SRPK2: variants seen among roughly 807,000 people sequenced by gnomAD.
The protein encoded by SRPK2 is SRSF protein kinase 2.
In SRPK2, 21 loss-of-function variants were observed where a neutral mutation model predicts 90.8. That is an observed-to-expected ratio of 0.23 (90% confidence interval 0.16 to 0.33). SRPK2 has a LOEUF of 0.33. Ranked by LOEUF, SRPK2 falls within the 10% of genes least tolerant of loss-of-function variation. The pLI is 1.00. For synonymous variants in SRPK2, 288 were observed against 311.1 expected (o/e 0.93, Z 0.78); for missense variants, 620 against 869.0 (o/e 0.71, Z 3.60).
chr7:105,328,655 G>A (rs773405587), intron 2 of SRPK2, among the ~76,000 whole-genome samples: 4 of 151,498 alleles, frequency 2.6e-5, no homozygotes, highest in Non-Finnish European at 5.9e-5. Flanking sequence ...ACAAGGTCAG[G>A]AGATCGAGAC....
At chr7:105,244,190 T>C (rs1237427663) in intron 2 of SRPK2, among the ~76,000 whole-genome samples, 1 of 152,158 alleles carries the variant, frequency 6.6e-6, no homozygotes, top group African/African-American at 2.4e-5. Flanking sequence ...CACAGAGAAG[T>C]TGGGGTAAAA....
At chr7:105,299,768 C>G (rs923737163) in intron 2 of SRPK2, among the ~76,000 whole-genome samples, 1 of 152,064 alleles carries the variant, frequency 6.6e-6, no homozygotes, top group African/African-American at 2.4e-5. Context: ...GTGGAGGGTG[C>G]CTGTAATCTC....
intron 2 of SRPK2, among the ~76,000 whole-genome samples, chr7:105,370,324 T>C (rs1463732652): frequency 1.3e-5 from 2 of 152,062 alleles, no homozygotes; most frequent in Non-Finnish European, 2.9e-5. Flanking sequence ...ACACACACAG[T>C]CCATCCAGAG....
chr7:105,332,711 G>A (rs1388064255), intron 2 of SRPK2: 2 of 151,640 alleles, frequency 1.3e-5, no homozygotes, highest in Non-Finnish European at 2.9e-5. Context: ...GTTGCAGTGA[G>A]CACATATCAT....
Position 105,397,900 on chromosome 7 carries a change from G to A in SRPK2, n.153+1256C>T, listed in dbSNP as rs192468401. On this transcript the variant is annotated intron_variant and non_coding_transcript_variant, in intron 1 of 3. Coordinates refer to the SRPK2 transcript ENST00000462282. Reference sequence around the variant, plus strand: ...TGACCTCAAGTGACCCACTCACCTCGGCTTCCCGAAGTGCTGGGATTACAG... The same window carrying A: ...TGACCTCAAGTGACCCACTCACCTCAGCTTCCCGAAGTGCTGGGATTACAG... Among the ~76,000 whole-genome samples, 741 of 151,998 alleles carry A rather than the reference G, an allele frequency of 4.9e-3. 8 individuals carry two copies. The highest frequency in any genetic ancestry group is 0.017 in the African/African-American group (706 of 41,456).
At chr7:105,208,986 TAAAAG>T (rs1796537479) in intron 2 of SRPK2, among the ~76,000 whole-genome samples, 1 of 151,334 alleles carries the variant, frequency 6.6e-6, no homozygotes. Context: ...TTTAAAAAAA[TAAAAG>T]AAAACCCCAA....
Position 105,343,695 on chromosome 7 carries a change from A to T in SRPK2, c.71+44953T>A, listed in dbSNP as rs142692610. Among the ~76,000 whole-genome samples, 64 of 152,368 alleles carry T rather than the reference A, an allele frequency of 4.2e-4. No homozygotes were observed. The East Asian group carries it at 0.012, about 29-fold the overall frequency. ...TTCAATATTCTGTTCAATTATGATTACAAATGAATTATAAGTCCCCATTTT... is the reference window on the plus strand; with the variant it reads ...TTCAATATTCTGTTCAATTATGATTTCAAATGAATTATAAGTCCCCATTTT... On this transcript the variant is annotated intron_variant, in intron 2 of 15. Coordinates refer to ENST00000393651, the MANE Select transcript of SRPK2 (RefSeq NM_182692.3).
intron 3 of SRPK2, among the ~76,000 whole-genome samples, chr7:105,178,028 C>CA (rs748165970): frequency 0.058 from 3,248 of 56,314 alleles, 118 homozygotes; most frequent in African/African-American, 0.16. Flanking sequence ...GACTCCGTCT[C>CA]AAAAAAAAAA....
chr7:105,244,737 G>A, intron 2 of SRPK2: 2 of 1,116,582 alleles, frequency 1.8e-6, no homozygotes, highest in Non-Finnish European at 1.4e-6. Flanking sequence ...CACAGCCGCC[G>A]CCGCGGGCGT....
At chr7:105,368,041 T>A (rs968931416) in intron 2 of SRPK2, among the ~76,000 whole-genome samples, 1 of 152,196 alleles carries the variant, frequency 6.6e-6, no homozygotes, top group Admixed American at 6.5e-5. Context: ...ATCTAAAGTG[T>A]ACATTTAACT....
intron 3 of SRPK2, among the ~76,000 whole-genome samples, chr7:105,186,439 A>G (rs1357515851): frequency 6.6e-6 from 1 of 152,246 alleles, no homozygotes; most frequent in Admixed American, 6.5e-5. Flanking sequence ...AAGAAAGAAC[A>G]TGCAGTAGCT....
chr7:105,153,822 C>T (rs1806108459), intron 7 of SRPK2, among the ~76,000 whole-genome samples: 1 of 152,126 alleles, frequency 6.6e-6, no homozygotes, highest in South Asian at 2.1e-4. Context: ...CGACCCCAAG[C>T]AGGAGTTCTT....
intron 9 of SRPK2, among the ~76,000 whole-genome samples, chr7:105,144,541 T>C (rs535855489): frequency 6.6e-6 from 1 of 152,120 alleles, no homozygotes; most frequent in Non-Finnish European, 1.5e-5. Flanking sequence ...ACACCCAGTA[T>C]CTAATAAGGA....
chr7:105,135,423 A>G lies in SRPK2; in HGVS notation c.1544-2319T>C, dbSNP rs528908151. On this transcript the variant is annotated intron_variant, in intron 11 of 15. Transcript: ENST00000393651. Reference sequence around the variant, plus strand: ...CTGGGGCAGAGGCTCCCAACTGGTCAGTGAGGGACCAGAGAGCAGCAGCAG... The same window carrying G: ...CTGGGGCAGAGGCTCCCAACTGGTCGGTGAGGGACCAGAGAGCAGCAGCAG... Among the ~76,000 whole-genome samples, 8 of 152,328 alleles carry G rather than the reference A, an allele frequency of 5.3e-5. No individual in the cohort carries two copies. The East Asian group carries it at 1.5e-3, about 29-fold the overall frequency.
chr7:105,331,998 G>C (rs1814477801), intron 2 of SRPK2, among the ~76,000 whole-genome samples: 1 of 151,788 alleles, frequency 6.6e-6, no homozygotes. Context: ...ATTTCTAAAA[G>C]AAAAAAAGAA....
intron 3 of SRPK2, among the ~76,000 whole-genome samples, chr7:105,199,336 T>C (rs1795275111): frequency 6.6e-6 from 1 of 152,084 alleles, no homozygotes; most frequent in Non-Finnish European, 1.5e-5. Context: ...AACTGAGAAG[T>C]AATTGAGGGC....
At chr7:105,208,102 C>T (rs1476910579) in intron 2 of SRPK2, among the ~76,000 whole-genome samples, 1 of 152,178 alleles carries the variant, frequency 6.6e-6, no homozygotes, top group Non-Finnish European at 1.5e-5. Flanking sequence ...TCTGACACCA[C>T]TTCATACCCA....
intron 7 of SRPK2, among the ~76,000 whole-genome samples, chr7:105,155,157 T>C (rs1398564659): frequency 2.0e-5 from 3 of 152,112 alleles, no homozygotes; most frequent in Non-Finnish European, 2.9e-5. Flanking sequence ...ATTTTTTATA[T>C]TTTTAGTAGA....
chr7:105,152,402 G>A (rs77352309), intron 7 of SRPK2, among the ~76,000 whole-genome samples: 6,192 of 152,070 alleles, frequency 0.041, 450 homozygotes, highest in African/African-American at 0.14. Context: ...TACACATTTC[G>A]GCCTCCCAAA....
Sources: allele counts gnomAD v4.1 joint callset (sites outside exome capture counted in the v4.1 genomes callset), GRCh38; gene constraint gnomAD v4.1.1; transcripts MANE v1.5; gene names NCBI Gene and HGNC (gene_info 2026-07-23, HGNC 2026-07-21).